Variants in TIGIT observed in about 807,000 individuals in gnomAD.
TIGIT encodes T cell immunoreceptor with Ig and ITIM domains, also known as T-cell immunoreceptor with Ig and ITIM domains.
A neutral mutation model predicts 19.6 loss-of-function variants in TIGIT; 11 were observed. The observed-to-expected ratio is 0.56, with a 90% CI of 0.35 to 0.93. The LOEUF (loss-of-function observed/expected upper bound fraction) is 0.93. Among genes scored for constraint, TIGIT ranks in the 40% least tolerant of loss-of-function variants. The pLI, the probability that TIGIT is intolerant of heterozygous loss-of-function variation, is 0.01. For missense variants in TIGIT, 295 were observed against 303.9 expected, an observed-to-expected ratio of 0.97 and a Z score of 0.22; for synonymous variants, 130 against 125.5, an observed-to-expected ratio of 1.04 and a Z score of -0.24.
chr3:114,308,416 G>A lies in TIGIT; in HGVS notation c.*285G>A, dbSNP rs1266276604. 5 of 311,150 alleles carry A rather than the reference G, an allele frequency of 1.6e-5. No individual in the cohort carries two copies. Among genetic ancestry groups the A allele is most frequent in the Non-Finnish European group, 3.0e-5 (5 of 165,446 alleles). 19.3% of individuals were successfully genotyped at this position (311,150 alleles called of 1,614,324 possible). ...CCTGGTTTTAAATCTGGCAGTTTGAGCAGATCCTATGTCTCTGAGAGACAC... is the reference window on the plus strand; with the variant it reads ...CCTGGTTTTAAATCTGGCAGTTTGAACAGATCCTATGTCTCTGAGAGACAC... On this transcript the variant is annotated 3_prime_UTR_variant, in exon 4 of 4. Transcript: ENST00000383671.
intron 3 of TIGIT, among the ~76,000 whole-genome samples, chr3:114,304,529 C>T (rs1406673912): frequency 6.6e-6 from 1 of 152,198 alleles, no homozygotes; most frequent in Non-Finnish European, 1.5e-5. Flanking sequence ...TATCCCTCAT[C>T]CAGGCTTATG....
intron 3 of TIGIT, among the ~76,000 whole-genome samples, chr3:114,301,610 T>G (rs565574609): frequency 6.6e-6 from 1 of 152,308 alleles, no homozygotes; most frequent in South Asian, 2.1e-4. Flanking sequence ...CTGAACAACT[T>G]TTCCTGTTAA....
rs201843170 is a variant in TIGIT, at chr3:114,305,868, A to G, written c.499-2027A>G. ...TGGGTGGGTGGATGGATGGATGGATAGATAGATAGATAGATAGATAGATAG... is the reference window on the plus strand; with the variant it reads ...TGGGTGGGTGGATGGATGGATGGATGGATAGATAGATAGATAGATAGATAG... On this transcript the variant is annotated intron_variant, in intron 3 of 3. Transcript: ENST00000383671. Among the ~76,000 whole-genome samples the G allele has an allele frequency of 1.6e-3, 179 of 109,982 alleles. 1 individual carries two copies. The Middle Eastern group carries it at 0.024, about 15-fold the overall frequency. 72.2% of individuals were successfully genotyped at this position (109,982 alleles called of 152,430 possible).
intron 2 of TIGIT, among the ~76,000 whole-genome samples, chr3:114,296,890 CTTTTTTTTT>C (rs11289140): frequency 1.2e-3 from 132 of 112,872 alleles, no homozygotes; most frequent in Non-Finnish European, 1.8e-3. Context: ...AATGTTACTT[CTTTTTTTTT>C]TTTTTTTTTT....
At chr3:114,306,979 C>A (rs2078539467) in intron 3 of TIGIT, among the ~76,000 whole-genome samples, 1 of 152,052 alleles carries the variant, frequency 6.6e-6, no homozygotes, top group Admixed American at 6.6e-5. Context: ...AAGAGGGAGT[C>A]CAGAGACAGT....
At chr3:114,303,331 G>GCGTCCT (rs2078504127) in intron 3 of TIGIT, among the ~76,000 whole-genome samples, 1 of 151,724 alleles carries the variant, frequency 6.6e-6, no homozygotes, top group African/African-American at 2.4e-5. Context: ...TAACGCCTTT[G>GCGTCCT]CGTCCTCATA....
intron 3 of TIGIT, among the ~76,000 whole-genome samples, chr3:114,305,883 T>TAGAC (rs1478175633): frequency 2.0e-5 from 3 of 151,182 alleles, no homozygotes; most frequent in Non-Finnish European, 3.0e-5. Flanking sequence ...GATAGATAGA[T>TAGAC]AGATAGATAG....
Position 114,297,717 on chromosome 3 carries a change from G to A in TIGIT, c.391+1843G>A, listed in dbSNP as rs142178836. Among the ~76,000 whole-genome samples the A allele has an allele frequency of 7.0e-3, 1,073 of 152,302 alleles. 7 individuals carry two copies. Among genetic ancestry groups the A allele is most frequent in the Non-Finnish European group, 0.011 (730 of 68,026 alleles). ...ATGCACACTCCTCCCCAAGACCACA[G>A]TGGCACGGCTATTTCCCAGCCTGAA... On this transcript the variant is annotated intron_variant, in intron 2 of 3. Transcript: ENST00000383671.
rs768131729 is a variant in TIGIT, at chr3:114,308,985, T to C, written c.*854T>C. On this transcript the variant is annotated 3_prime_UTR_variant, in exon 4 of 4. Coordinates refer to ENST00000383671, the MANE Select transcript of TIGIT (RefSeq NM_173799.4). ...TGACATACTCATCCATTAGACAGCC[T>C]GATACAGGCCTGTAGCCTCTTCCGG... 1.4e-4 allele frequency: 21 copies of C among 152,370 alleles called. No homozygotes were observed. The highest frequency in any genetic ancestry group is 3.4e-3 in the Middle Eastern group (1 of 294). 9.4% of individuals were successfully genotyped at this position (152,370 alleles called of 1,614,324 possible).
intron 2 of TIGIT, among the ~76,000 whole-genome samples, chr3:114,296,808 A>T (rs1482102462): frequency 6.6e-6 from 1 of 152,090 alleles, no homozygotes; most frequent in East Asian, 1.9e-4. Flanking sequence ...AGTTATGTTG[A>T]AGATTAAGTT....
At position 114,310,066 on chromosome 3, in the gene TIGIT, G is replaced by A. The variant is rs1046867086; in HGVS notation, c.*1935G>A. ...CATAGTTGGATTCCTGGAGACATGCGCTATCCACCACGTAGCCACTTTCCA... is the reference window on the plus strand; with the variant it reads ...CATAGTTGGATTCCTGGAGACATGCACTATCCACCACGTAGCCACTTTCCA... On this transcript the variant is annotated 3_prime_UTR_variant, in exon 4 of 4. Transcript: ENST00000383671. 1.3e-4 allele frequency: 20 copies of A among 152,196 alleles called. No individual in the cohort carries two copies. The highest frequency in any genetic ancestry group is 2.6e-4 in the Non-Finnish European group (18 of 68,022). The allele number at this position is 152,196 out of a possible 1,614,324, so 9.4% of individuals were successfully genotyped here.
At position 114,296,038 on chromosome 3, in the gene TIGIT, A is replaced by G. The variant is rs1386572749; in HGVS notation, c.391+164A>G. 7 of 606,108 alleles carry G rather than the reference A, an allele frequency of 1.2e-5. No individual in the cohort carries two copies. The South Asian group carries it at 1.3e-4, about 11-fold the overall frequency. The allele number at this position is 606,108 out of a possible 1,614,324, so 37.5% of individuals were successfully genotyped here. On this transcript the variant is annotated intron_variant, in intron 2 of 3. Transcript: ENST00000383671. ...CCGAGGCCTCACCCAGACCAATTCA[A>G]TCAGAATCCCTAATAGCAGAGCTAA...
intron 3 of TIGIT, among the ~76,000 whole-genome samples, chr3:114,303,332 C>T (rs1231449194): frequency 6.6e-6 from 1 of 151,786 alleles, no homozygotes; most frequent in Non-Finnish European, 1.5e-5. Context: ...AACGCCTTTG[C>T]GTCCTCATAG....
At chr3:114,299,034 C>T (rs2078472738) in intron 2 of TIGIT, among the ~76,000 whole-genome samples, 1 of 152,188 alleles carries the variant, frequency 6.6e-6, no homozygotes, top group African/African-American at 2.4e-5. Flanking sequence ...TTTATATTTA[C>T]TGAGCATTCG....
chr3:114,303,257 C>T (rs2078503725), intron 3 of TIGIT, among the ~76,000 whole-genome samples: 3 of 151,902 alleles, frequency 2.0e-5, no homozygotes, highest in South Asian at 4.2e-4. Context: ...AGTCCTTTAT[C>T]CCTCAGCCCT....
chr3:114,299,808 C>G, intron 3 of TIGIT, 105 bp downstream of exon 3: 2 of 697,260 alleles, frequency 2.9e-6, no homozygotes, highest in Non-Finnish European at 2.5e-6. Context: ...ATGTGATCTT[C>G]CCGAGTGCTC....
intron 2 of TIGIT, among the ~76,000 whole-genome samples, chr3:114,296,821 A>G (rs984109054): frequency 6.6e-6 from 1 of 151,502 alleles, no homozygotes; most frequent in African/African-American, 2.4e-5. Flanking sequence ...ATTAAGTTAT[A>G]TGGTTGCAAA....
chr3:114,295,822 C>T lies in TIGIT; in HGVS notation c.339C>T (p.Tyr113=). ...AGTACTTCTGCATCTATCACACCTA[C>T]CCTGATGGGACGTACACTGGGAGAA... ...TGEYFCIYHT[Y]PDGTYTGRIF... Residue 113 remains tyrosine, a synonymous_variant, in exon 2 of 4, where the codon TAC becomes TAT. Coordinates refer to ENST00000383671, the MANE Select transcript of TIGIT (RefSeq NM_173799.4). 1.2e-6 allele frequency: 2 copies of T among 1,613,692 alleles called. No individual in the cohort carries two copies. The highest frequency in any genetic ancestry group is 1.7e-6 in the Non-Finnish European group (2 of 1,179,658).
At chr3:114,303,604 T>C (rs979493587) in intron 3 of TIGIT, among the ~76,000 whole-genome samples, 858 of 59,724 alleles carry the variant, frequency 0.014, 61 homozygotes, top group Middle Eastern at 0.032. Flanking sequence ...TATGTATATA[T>C]ATATATACAT....
Sources: gnomAD v4.1 joint callset for allele counts (sites outside exome capture counted in the v4.1 genomes callset) on GRCh38, gnomAD v4.1.1 for gene constraint, MANE v1.5 for transcripts, NCBI Gene and HGNC (gene_info 2026-07-23, HGNC 2026-07-21) for gene names.